ACOT1: variants seen among roughly 807,000 people sequenced by gnomAD.
ACOT1 encodes acyl-coenzyme A thioesterase 1.
In ACOT1, 8 loss-of-function variants were observed where a neutral mutation model predicts 15.7. The ratio of observed to expected loss-of-function variants is 0.51; its 90% confidence interval spans 0.30 to 0.92. The LOEUF is 0.92. Ranked by LOEUF, ACOT1 falls within the 40% of genes least tolerant of loss-of-function variation. The pLI, the probability that ACOT1 is intolerant of heterozygous loss-of-function variation, is 0.06. For synonymous variants in ACOT1, 67 were observed against 241.2 expected, an observed-to-expected ratio of 0.28 and a Z score of 6.69; for missense variants, 151 against 539.4, an observed-to-expected ratio of 0.28 and a Z score of 7.13.
At position 73,538,611 on chromosome 14, in the gene ACOT1, CAA is replaced by C. The variant is rs59948219; in HGVS notation, c.457+751_457+752del. ...TGGGCAATAGAGTGAGACTCCGTCT[CAA>C]AAAAAAAAAAAAAAAAAGGCATTGT... On this transcript the variant is annotated intron_variant, in intron 1 of 2. Transcript: ENST00000311148. 4.0e-4 allele frequency among the ~76,000 whole-genome samples: 11 copies of C among 27,230 alleles called. No individual in the cohort carries two copies. The South Asian group carries it at 5.3e-3, about 13-fold the overall frequency. The allele number at this position is 27,230 out of a possible 152,430, so 17.9% of individuals were successfully genotyped here.
At chr14:73,530,586 C>T in the ACOT1 span, 2 of 122,108 alleles carry the variant, frequency 1.6e-5, 1 homozygote, top group Non-Finnish European at 3.6e-5. Flanking sequence ...CAGCTGTCTC[C>T]AGAGATTACT....
the ACOT1 span, chr14:73,523,202 G>A: frequency 6.7e-7 from 1 of 1,499,146 alleles, no homozygotes; most frequent in Non-Finnish European, 8.9e-7. Flanking sequence ...CTAGAGGAAA[G>A]GCCTGGAGAT....
At chr14:73,524,310 A>AAAAAAAAAAAATAT in the ACOT1 span, among the ~76,000 whole-genome samples, 2 of 54,780 alleles carry the variant, frequency 3.7e-5, no homozygotes, top group African/African-American at 1.8e-4. Context: ...AAAAAAAAAA[A>AAAAAAAAAAAATAT]ATATATATAT....
At chr14:73,497,815 A>G in the ACOT1 span, among the ~76,000 whole-genome samples, 1 of 151,722 alleles carries the variant, frequency 6.6e-6, no homozygotes, top group Admixed American at 6.6e-5. Flanking sequence ...TAGTAGAGAC[A>G]GGGTTTCTCC....
the ACOT1 span, chr14:73,492,410 C>T: frequency 6.2e-7 from 1 of 1,613,796 alleles, no homozygotes; most frequent in Non-Finnish European, 8.5e-7. The surrounding 1 kb of genome is among the most constrained non-coding windows in gnomAD (Gnocchi z 4.9). Context: ...CATGGGGGCC[C>T]AGCATTCAGA....
intron 1 of ACOT1, among the ~76,000 whole-genome samples, chr14:73,538,611 C>CAA (rs59948219): frequency 0.017 from 474 of 27,170 alleles, 47 homozygotes; most frequent in African/African-American, 0.044. Context: ...GACTCCGTCT[C>CAA]AAAAAAAAAA....
chr14:73,496,953 C>T, the ACOT1 span, among the ~76,000 whole-genome samples: 382 of 152,300 alleles, frequency 2.5e-3, no homozygotes, highest in Non-Finnish European at 3.8e-3. Context: ...TGCAATGGCA[C>T]GATCTCGTCT....
chr14:73,512,977 C>T, the ACOT1 span, among the ~76,000 whole-genome samples: 2 of 152,172 alleles, frequency 1.3e-5, no homozygotes, highest in East Asian at 3.8e-4. Flanking sequence ...TACTTTGTCC[C>T]AGGCACTCAG....
the ACOT1 span, among the ~76,000 whole-genome samples, chr14:73,505,125 C>T: frequency 6.6e-6 from 1 of 152,098 alleles, no homozygotes; most frequent in Non-Finnish European, 1.5e-5. Flanking sequence ...CCATGATGAC[C>T]AGGCTGGTTT....
chr14:73,492,746 TATC>T, the ACOT1 span: 1 of 1,613,982 alleles, frequency 6.2e-7, no homozygotes, highest in East Asian at 2.2e-5. The surrounding 1 kb of genome is among the most constrained non-coding windows in gnomAD (Gnocchi z 4.9). Context: ...CTCCCGTGTG[TATC>T]ATCTGGAAGA....
chr14:73,501,579 T>TTC, the ACOT1 span, among the ~76,000 whole-genome samples: 1 of 147,346 alleles, frequency 6.8e-6, no homozygotes, highest in African/African-American at 2.5e-5. Context: ...CTTTTTTTTT[T>TTC]TTTTTTTTTT....
the ACOT1 span, among the ~76,000 whole-genome samples, chr14:73,502,094 A>G: frequency 1.5e-5 from 2 of 134,936 alleles, no homozygotes; most frequent in South Asian, 4.6e-4. Flanking sequence ...AGGTCTTGCT[A>G]TGTTGCCCAG....
chr14:73,525,181 G>A, the ACOT1 span, among the ~76,000 whole-genome samples: 9 of 151,934 alleles, frequency 5.9e-5, no homozygotes, highest in Admixed American at 3.3e-4. Flanking sequence ...AGGTGCATGC[G>A]CCACCACACC....
the ACOT1 span, among the ~76,000 whole-genome samples, chr14:73,512,953 C>G: frequency 2.6e-5 from 4 of 152,288 alleles, no homozygotes; most frequent in East Asian, 7.7e-4. Context: ...TTTCAACAGT[C>G]CTTGCCAGGC....
At chr14:73,520,510 C>T in the ACOT1 span, 2 of 189,844 alleles carry the variant, frequency 1.1e-5, no homozygotes, top group African/African-American at 2.3e-5. Flanking sequence ...GAGAATATCT[C>T]GAAGTGGGAG....
At chr14:73,495,192 G>A in the ACOT1 span, 1 of 1,584,756 alleles carries the variant, frequency 6.3e-7, no homozygotes, top group Admixed American at 1.8e-5. Context: ...CTTATTAAAG[G>A]AATCAAGGCA....
the ACOT1 span, chr14:73,508,414 C>T: frequency 1.3e-6 from 1 of 792,722 alleles, no homozygotes; most frequent in Non-Finnish European, 2.1e-6. Flanking sequence ...TTGTGCCCCA[C>T]TCAGTCTAGA....
the ACOT1 span, chr14:73,490,989 C>T: frequency 8.2e-6 from 11 of 1,337,246 alleles, no homozygotes; most frequent in South Asian, 1.1e-4. Context: ...CCCGGCCGGC[C>T]GGGCGGGGAA....
the ACOT1 span, among the ~76,000 whole-genome samples, chr14:73,503,861 C>T: frequency 2.6e-5 from 4 of 152,256 alleles, no homozygotes; most frequent in Admixed American, 6.5e-5. Flanking sequence ...GACTCATAGA[C>T]ATACTGCCTT....
Sources: gnomAD v4.1 joint callset for allele counts (sites outside exome capture counted in the v4.1 genomes callset) on GRCh38, gnomAD v4.1.1 for gene constraint, Gnocchi (gnomAD v3.1) non-coding constraint, MANE v1.5 for transcripts, NCBI Gene and HGNC (gene_info 2026-07-23, HGNC 2026-07-21) for gene names.